GABBR2: variants seen among roughly 807,000 people sequenced by gnomAD.
GABBR2 encodes gamma-aminobutyric acid type B receptor subunit 2, also known as G-protein coupled receptor 51.
A neutral mutation model predicts 105.6 loss-of-function variants in GABBR2; 23 were observed. That is an observed-to-expected ratio of 0.22 (90% CI 0.16 to 0.31). The LOEUF (loss-of-function observed/expected upper bound fraction) is 0.31, where lower values mean the gene tolerates loss of function less well. Among genes scored for constraint, GABBR2 ranks in the 10% least tolerant of loss-of-function variants. The pLI is 1.00. For missense variants in GABBR2, 734 were observed against 1,245.5 expected (o/e 0.59, Z 6.18); for synonymous variants, 478 against 499.7 (o/e 0.96, Z 0.58).
rs1830688694 is a variant in GABBR2, at chr9:98,692,059, A to G, written c.321+16358T>C. The stretch of plus-strand genomic sequence containing the variant: ...GTCCTGTGAAGCAGGTACTATTATT[A>G]TCACCCCATTGTACAGAGAAGAACA... On this transcript the variant is annotated intron_variant, in intron 1 of 18. Transcript: ENST00000259455. 2.0e-5 allele frequency among the ~76,000 whole-genome samples: 3 copies of G among 152,210 alleles called. No individual in the cohort carries two copies. In the South Asian group the frequency reaches 6.2e-4, roughly 32 times the overall value.
intron 7 of GABBR2, among the ~76,000 whole-genome samples, chr9:98,425,336 G>A (rs185459412): frequency 3.3e-4 from 50 of 152,280 alleles, no homozygotes; most frequent in African/African-American, 1.2e-3. Flanking sequence ...ACCTGAAGGA[G>A]GTTAAACGAA....
chr9:98,499,868 A>G lies in GABBR2; in HGVS notation c.631-3354T>C, dbSNP rs953911149. Among the ~76,000 whole-genome samples, 116 of 152,342 alleles carry G rather than the reference A, an allele frequency of 7.6e-4. 1 individual carries two copies. The highest frequency in any genetic ancestry group is 9.1e-4 in the Admixed American group (14 of 15,304). ...GGAGTTCAAAACCAGCCTGGCCAACATGGTGAAACCCCGTCTCTACTAAAA... is the reference window on the plus strand; with the variant it reads ...GGAGTTCAAAACCAGCCTGGCCAACGTGGTGAAACCCCGTCTCTACTAAAA... On this transcript the variant is annotated intron_variant, in intron 3 of 18. Coordinates refer to ENST00000259455, the MANE Select transcript of GABBR2 (RefSeq NM_005458.8).
At chr9:98,622,943 T>C (rs992293026) in intron 1 of GABBR2, among the ~76,000 whole-genome samples, 4 of 152,188 alleles carry the variant, frequency 2.6e-5, no homozygotes, top group Non-Finnish European at 4.4e-5. Flanking sequence ...TACAACACTA[T>C]GGACTCTGGG....
chr9:98,301,169 A>G (rs1429290410), intron 16 of GABBR2, among the ~76,000 whole-genome samples: 2 of 152,142 alleles, frequency 1.3e-5, no homozygotes, highest in Non-Finnish European at 2.9e-5. Context: ...GGGAGTCCCA[A>G]CTTGAAGCTG....
chr9:98,406,594 G>C (rs1371222569), intron 7 of GABBR2, among the ~76,000 whole-genome samples: 3 of 152,238 alleles, frequency 2.0e-5, no homozygotes, highest in Non-Finnish European at 4.4e-5. Context: ...AAGGGTGCTA[G>C]AGGTCTGTTG....
chr9:98,437,679 T>C (rs1458218272), intron 7 of GABBR2, among the ~76,000 whole-genome samples: 1 of 150,510 alleles, frequency 6.6e-6, no homozygotes, highest in Admixed American at 6.6e-5. Context: ...TCTGTGCATA[T>C]ATCTATTCAC....
chr9:98,707,455 G>A (rs377605182), intron 1 of GABBR2: 3 of 152,508 alleles, frequency 2.0e-5, no homozygotes, highest in African/African-American at 4.8e-5. Context: ...CGCGGCCAGC[G>A]ATCGCTCCTC....
chr9:98,398,284 C>T (rs1482511736), intron 8 of GABBR2, among the ~76,000 whole-genome samples: 7 of 151,846 alleles, frequency 4.6e-5, no homozygotes, highest in Non-Finnish European at 7.4e-5. Context: ...CTTGGCTCAA[C>T]AAAAATAAAA....
intron 5 of GABBR2, among the ~76,000 whole-genome samples, chr9:98,480,599 C>T (rs1039733889): frequency 5.9e-5 from 9 of 152,190 alleles, no homozygotes; most frequent in African/African-American, 2.2e-4. Flanking sequence ...CTGAGCCCTA[C>T]CTACAGGGCA....
At chr9:98,452,400 G>A (rs1201832269) in intron 7 of GABBR2, among the ~76,000 whole-genome samples, 1 of 152,212 alleles carries the variant, frequency 6.6e-6, no homozygotes, top group Non-Finnish European at 1.5e-5. Context: ...TCCATTACCA[G>A]AAGGTCACTA....
At chr9:98,308,415 C>T (rs1177955934) in intron 14 of GABBR2, among the ~76,000 whole-genome samples, 1 of 152,196 alleles carries the variant, frequency 6.6e-6, no homozygotes, top group Non-Finnish European at 1.5e-5. Context: ...TCTAGAAAAG[C>T]ACTCCATCTG....
chr9:98,422,522 C>G (rs113543886), intron 7 of GABBR2, among the ~76,000 whole-genome samples: 1,419 of 132,122 alleles, frequency 0.011, 16 homozygotes, highest in African/African-American at 0.041. Flanking sequence ...GTGTGTGTGT[C>G]TGTGTGTGTG....
intron 1 of GABBR2, among the ~76,000 whole-genome samples, chr9:98,648,118 TAGATAGATAGATA>T (rs1322293228): frequency 0.013 from 1,881 of 141,784 alleles, 49 homozygotes; most frequent in African/African-American, 0.048. Context: ...TGTGTGTGTA[TAGATAGATAGATA>T]GATAGATAGA....
intron 3 of GABBR2, among the ~76,000 whole-genome samples, chr9:98,499,165 C>T (rs1315090398): frequency 6.6e-6 from 1 of 152,230 alleles, no homozygotes; most frequent in Non-Finnish European, 1.5e-5. Context: ...AGTGATCATT[C>T]CCAGGCAAAT....
chr9:98,410,505 C>CTTTTTT lies in GABBR2; in HGVS notation c.1237-4370_1237-4365dup, dbSNP rs5899341. Reference sequence around the variant, plus strand: ...CGCATAAGCATGCATGAGGGAAAAGCTTTTTTTTTTTTTTTTTTTCTTCCT... The same window carrying CTTTTTT: ...CGCATAAGCATGCATGAGGGAAAAGCTTTTTTTTTTTTTTTTTTTTTTTTTCTTCCT... On this transcript the variant is annotated intron_variant, in intron 7 of 18. Coordinates refer to ENST00000259455, the MANE Select transcript of GABBR2 (RefSeq NM_005458.8). 4.6e-4 allele frequency among the ~76,000 whole-genome samples: 58 copies of CTTTTTT among 126,480 alleles called. 1 individual carries two copies. Among genetic ancestry groups the CTTTTTT allele is most frequent in the Non-Finnish European group, 5.4e-4 (33 of 61,076 alleles). 83.0% of individuals were successfully genotyped at this position (126,480 alleles called of 152,430 possible). A position where few individuals can be genotyped will look rare whatever the true frequency, so the allele number is the denominator to read the frequency against.
intron 1 of GABBR2, among the ~76,000 whole-genome samples, chr9:98,589,412 T>C (rs1486484569): frequency 6.6e-6 from 1 of 152,166 alleles, no homozygotes; most frequent in African/African-American, 2.4e-5. Flanking sequence ...GAAATAACTT[T>C]CATGCATGAA....
chr9:98,555,559 C>G (rs75142993), intron 2 of GABBR2: 1 of 152,166 alleles, frequency 6.6e-6, no homozygotes, highest in African/African-American at 2.4e-5. Context: ...TTGGTTTCCT[C>G]GGCTCCTTTG....
intron 3 of GABBR2, among the ~76,000 whole-genome samples, chr9:98,505,423 GGTGTGTGTGT>G (rs59702034): frequency 0.12 from 18,159 of 148,458 alleles, 1,763 homozygotes; most frequent in East Asian, 0.51. Context: ...GCTGTATCCA[GGTGTGTGTGT>G]GTGTGTGTGT....
intron 2 of GABBR2, among the ~76,000 whole-genome samples, chr9:98,566,138 G>A (rs1309604801): frequency 6.6e-6 from 1 of 152,150 alleles, no homozygotes; most frequent in South Asian, 2.1e-4. Flanking sequence ...AACTTGTCCC[G>A]GCCAGCCTGG....
Sources: gnomAD v4.1 joint callset for allele counts (sites outside exome capture counted in the v4.1 genomes callset) on GRCh38, gnomAD v4.1.1 for gene constraint, MANE v1.5 for transcripts, NCBI Gene and HGNC (gene_info 2026-07-23, HGNC 2026-07-21) for gene names.